The following GRM7 variants were observed in gnomAD, a reference collection of about 807,000 sequenced individuals.
GRM7 encodes metabotropic glutamate receptor 7.
Under a neutral mutation model 84.5 loss-of-function variants are expected in GRM7, and 35 were observed. The observed-to-expected ratio is 0.41, with a 90% confidence interval of 0.32 to 0.55. The LOEUF is 0.55. Among genes scored for constraint, GRM7 ranks in the 20% least tolerant of loss-of-function variants. The pLI is 0.19. For synonymous variants in GRM7, 487 were observed against 455.1 expected (o/e 1.07, Z -0.89); for missense variants, 1,003 against 1,194.6 (o/e 0.84, Z 2.36).
At chr3:7,602,347 AC>A (rs1410347593) in intron 8 of GRM7, among the ~76,000 whole-genome samples, 1 of 152,162 alleles carries the variant, frequency 6.6e-6, no homozygotes, top group Non-Finnish European at 1.5e-5. Flanking sequence ...TGTAGAATGA[AC>A]ACCAAAATTT....
chr3:7,467,111 A>G (rs1349975397), intron 7 of GRM7, among the ~76,000 whole-genome samples: 3 of 152,016 alleles, frequency 2.0e-5, no homozygotes, highest in African/African-American at 7.2e-5. Flanking sequence ...GTTTTTTGAG[A>G]CGGAGTCGCT....
intron 1 of GRM7, among the ~76,000 whole-genome samples, chr3:7,045,967 C>T (rs1696791913): frequency 6.6e-6 from 1 of 152,002 alleles, no homozygotes. Flanking sequence ...CTATTTTCTA[C>T]CATAACTGTA....
At chr3:7,158,763 T>C (rs1694533649) in intron 2 of GRM7, among the ~76,000 whole-genome samples, 1 of 152,192 alleles carries the variant, frequency 6.6e-6, no homozygotes, top group Non-Finnish European at 1.5e-5. Context: ...TAAATCTACT[T>C]GCCTTTTTAA....
chr3:6,984,938 C>T (rs576100137), intron 1 of GRM7, among the ~76,000 whole-genome samples: 7 of 152,288 alleles, frequency 4.6e-5, no homozygotes, highest in South Asian at 2.1e-4. Context: ...CAGTGCAGCT[C>T]GGAAAAGCAG....
At chr3:7,108,226 A>C (rs1397640179) in intron 1 of GRM7, among the ~76,000 whole-genome samples, 1 of 152,058 alleles carries the variant, frequency 6.6e-6, no homozygotes, top group African/African-American at 2.4e-5. Flanking sequence ...TTCAGAGTCA[A>C]AATGAACATC....
chr3:7,463,161 G>A (rs1347855828), intron 7 of GRM7, among the ~76,000 whole-genome samples: 1 of 152,048 alleles, frequency 6.6e-6, no homozygotes, highest in South Asian at 2.1e-4. Flanking sequence ...AAGTGCTCAG[G>A]GCTTATTGTA....
chr3:7,708,314 C>A (rs1575656894), intron 9 of GRM7, among the ~76,000 whole-genome samples: 1 of 149,642 alleles, frequency 6.7e-6, no homozygotes. Flanking sequence ...ATACAGAAAA[C>A]AATCATCAAA....
intron 9 of GRM7, among the ~76,000 whole-genome samples, chr3:7,730,261 C>A (rs1033593229): frequency 6.6e-6 from 1 of 152,162 alleles, no homozygotes; most frequent in Non-Finnish European, 1.5e-5. Context: ...CCACCTTGGC[C>A]TCCCAAAGTG....
chr3:7,307,048 A>T (rs1258750011), intron 4 of GRM7, among the ~76,000 whole-genome samples: 1 of 151,902 alleles, frequency 6.6e-6, no homozygotes, highest in African/African-American at 2.4e-5. Context: ...AAGTACAAGA[A>T]CCCTTTCCCC....
chr3:7,348,291 T>G (rs558533139), intron 4 of GRM7, among the ~76,000 whole-genome samples: 1 of 152,228 alleles, frequency 6.6e-6, no homozygotes, highest in African/African-American at 2.4e-5. Context: ...TCCCACTAGG[T>G]CTGTTGCCTT....
intron 7 of GRM7, among the ~76,000 whole-genome samples, chr3:7,538,495 G>T (rs1424070979): frequency 6.6e-6 from 1 of 152,170 alleles, no homozygotes; most frequent in Non-Finnish European, 1.5e-5. Context: ...ACCATACCAG[G>T]CCAGGGAATC....
intron 2 of GRM7, among the ~76,000 whole-genome samples, chr3:7,258,073 C>T (rs866239417): frequency 1.3e-5 from 2 of 152,106 alleles, no homozygotes; most frequent in African/African-American, 2.4e-5. Context: ...ATTCAGGCTA[C>T]TCAGGCCCAG....
intron 2 of GRM7, among the ~76,000 whole-genome samples, chr3:7,267,090 T>C (rs1698669625): frequency 6.6e-6 from 1 of 152,202 alleles, no homozygotes; most frequent in Non-Finnish European, 1.5e-5. Context: ...TTTCTGTGTA[T>C]TTGGAATTTG....
chr3:7,488,575 G>A (rs1027708267), intron 7 of GRM7, among the ~76,000 whole-genome samples: 2 of 152,146 alleles, frequency 1.3e-5, no homozygotes, highest in Admixed American at 1.3e-4. Context: ...ACACATTCCT[G>A]CTTCATCTTC....
At chr3:6,911,226 C>G (rs900551012) in intron 1 of GRM7, among the ~76,000 whole-genome samples, 10 of 152,066 alleles carry the variant, frequency 6.6e-5, no homozygotes, top group African/African-American at 2.4e-4. Flanking sequence ...TCTTGGCCTA[C>G]TTAATACTAT....
intron 5 of GRM7, among the ~76,000 whole-genome samples, chr3:7,438,138 G>A (rs1367782912): frequency 6.6e-6 from 1 of 151,944 alleles, no homozygotes; most frequent in Admixed American, 6.6e-5. Flanking sequence ...GAGTGGCATG[G>A]CCTAGTTTGC....
intron 2 of GRM7, among the ~76,000 whole-genome samples, chr3:7,260,259 T>C (rs1698371500): frequency 6.6e-6 from 1 of 152,192 alleles, no homozygotes; most frequent in Admixed American, 6.5e-5. Context: ...GTTGATAGTT[T>C]ATTTTGCTGT....
chr3:7,058,104 C>G (rs2124965319), intron 1 of GRM7, among the ~76,000 whole-genome samples: 2 of 151,874 alleles, frequency 1.3e-5, no homozygotes, highest in African/African-American at 4.8e-5. Flanking sequence ...AATTCAGATG[C>G]CTTTTTATTG....
Position 7,644,226 on chromosome 3 carries a change from G to GTACGTATATATATATATATATATA in GRM7, c.2452-35822_2452-35821insACGTATATATATATATATATATAT, listed in dbSNP as rs1559459873. On this transcript the variant is annotated intron_variant, in intron 8 of 9. Transcript: ENST00000357716. ...TATATGTCTGTACATATATATGTGT[G>GTACGTATATATATATATATATATA]TGTCTGTACATATATATGTGTGTGT... Among the ~76,000 whole-genome samples, 35 of 106,614 alleles carry GTACGTATATATATATATATATATA rather than the reference G, an allele frequency of 3.3e-4. 1 individual carries two copies. Among genetic ancestry groups the GTACGTATATATATATATATATATA allele is most frequent in the African/African-American group, 1.1e-3 (31 of 29,002 alleles). 69.9% of individuals were successfully genotyped at this position (106,614 alleles called of 152,430 possible). A position where few individuals can be genotyped will look rare whatever the true frequency, so the allele number is the denominator to read the frequency against.
Sources: allele counts gnomAD v4.1 joint callset (sites outside exome capture counted in the v4.1 genomes callset), GRCh38; gene constraint gnomAD v4.1.1; transcripts MANE v1.5; gene names NCBI Gene and HGNC (gene_info 2026-07-23, HGNC 2026-07-21).